Variants in RAB22A observed in about 807,000 individuals in gnomAD.
RAB22A encodes the protein RAB22A, member RAS oncogene family.
A neutral mutation model predicts 30.2 loss-of-function variants in RAB22A; 13 were observed. The observed-to-expected ratio is 0.43, with a 90% CI of 0.28 to 0.68. The LOEUF is 0.68. RAB22A is among the 30% of genes least tolerant of loss of function. RAB22A has a pLI of 0.18. For synonymous variants in RAB22A, 89 were observed against 87.2 expected (o/e 1.02, Z -0.11); for missense variants, 177 against 246.8 (o/e 0.72, Z 1.89).
At position 58,312,681 on chromosome 20, in the gene RAB22A, C is replaced by T. The variant is rs529940526; in HGVS notation, c.116+1559C>T. On this transcript the variant is annotated intron_variant, in intron 2 of 6. Transcript: ENST00000244040. ...TTTTTTTTTGTATTTTTAGTAGAGA[C>T]GGGGTTTCATGTATTAGCCAGGATG... Among the ~76,000 whole-genome samples, 4 of 151,430 alleles carry T rather than the reference C, an allele frequency of 2.6e-5. No individual in the cohort carries two copies. In the South Asian group the frequency reaches 6.3e-4, roughly 24 times the overall value.
intron 2 of RAB22A, among the ~76,000 whole-genome samples, chr20:58,316,304 C>T (rs1384562418): frequency 6.6e-6 from 1 of 152,186 alleles, no homozygotes; most frequent in Non-Finnish European, 1.5e-5. Flanking sequence ...TCCAGGGACA[C>T]TTTGCTTCGG....
At chr20:58,310,057 C>T (rs1052047073) in intron 1 of RAB22A, 45 bp downstream of exon 1, 2 of 1,256,104 alleles carry the variant, frequency 1.6e-6, no homozygotes, top group East Asian at 3.1e-5. Context: ...GGAGGCTGGG[C>T]TGGCGGGGAC....
At chr20:58,316,071 C>T (rs1986331230) in intron 2 of RAB22A, among the ~76,000 whole-genome samples, 1 of 152,172 alleles carries the variant, frequency 6.6e-6, no homozygotes, top group South Asian at 2.1e-4. Context: ...TCTCTCAGGG[C>T]CCTTTCTTTT....
chr20:58,316,583 G>A (rs567744752), intron 2 of RAB22A, among the ~76,000 whole-genome samples: 9 of 152,228 alleles, frequency 5.9e-5, no homozygotes, highest in African/African-American at 2.2e-4. Context: ...GAGCCATTGT[G>A]TAGTGAGCCT....
intron 2 of RAB22A, among the ~76,000 whole-genome samples, chr20:58,339,951 C>G (rs903782993): frequency 1.6e-4 from 24 of 152,152 alleles, no homozygotes; most frequent in African/African-American, 5.3e-4. Flanking sequence ...GGCAACCTCC[C>G]CCTCCCATGT....
intron 2 of RAB22A, among the ~76,000 whole-genome samples, chr20:58,315,052 G>A (rs557208918): frequency 6.6e-6 from 1 of 152,138 alleles, no homozygotes; most frequent in Non-Finnish European, 1.5e-5. Flanking sequence ...AGGGTGGTTG[G>A]TGAGCCAGCA....
chr20:58,351,506 A>G (rs1159985804), intron 3 of RAB22A, among the ~76,000 whole-genome samples: 1 of 151,910 alleles, frequency 6.6e-6, no homozygotes, highest in Non-Finnish European at 1.5e-5. Context: ...AGGAGCAGGA[A>G]TTTTAAAAGA....
intron 2 of RAB22A, among the ~76,000 whole-genome samples, chr20:58,339,862 G>T (rs749855110): frequency 2.0e-5 from 3 of 152,150 alleles, no homozygotes; most frequent in African/African-American, 4.8e-5. Context: ...AGACCTGACC[G>T]TAGGAAGGAA....
intron 2 of RAB22A, among the ~76,000 whole-genome samples, chr20:58,331,775 C>T (rs989661407): frequency 6.6e-6 from 1 of 152,094 alleles, no homozygotes; most frequent in Non-Finnish European, 1.5e-5. Context: ...AATGTCACAA[C>T]AGAATTTCTT....
intron 3 of RAB22A, among the ~76,000 whole-genome samples, chr20:58,349,582 C>T (rs1206456944): frequency 6.6e-6 from 1 of 152,236 alleles, no homozygotes; most frequent in Non-Finnish European, 1.5e-5. Flanking sequence ...CTCCTCATTA[C>T]AGCAGGGCTA....
At position 58,362,564 on chromosome 20, in the gene RAB22A, T is replaced by C. The variant is rs1160836465; in HGVS notation, c.*2861T>C. 1 of 152,224 alleles carries C rather than the reference T, an allele frequency of 6.6e-6. No individual in the cohort carries two copies. The highest frequency in any genetic ancestry group is 1.5e-5 in the Non-Finnish European group (1 of 68,038). The allele number at this position is 152,224 out of a possible 1,614,324, so 9.4% of individuals were successfully genotyped here. A position where few individuals can be genotyped will look rare whatever the true frequency, so the allele number is the denominator to read the frequency against. ...TTCGGAGAAATTGAAATAAGCTCTT[T>C]GCAGGCGTCCAATCCTAGAAACCAA... On this transcript the variant is annotated 3_prime_UTR_variant, in exon 7 of 7. Transcript: ENST00000244040.
intron 3 of RAB22A, among the ~76,000 whole-genome samples, chr20:58,348,233 A>G (rs1259893733): frequency 6.6e-6 from 1 of 152,166 alleles, no homozygotes; most frequent in Non-Finnish European, 1.5e-5. Flanking sequence ...TCTCAAAAAA[A>G]AAAAGCTTCC....
At chr20:58,348,702 G>C (rs1239278018) in intron 3 of RAB22A, among the ~76,000 whole-genome samples, 1 of 152,132 alleles carries the variant, frequency 6.6e-6, no homozygotes, top group Non-Finnish European at 1.5e-5. Context: ...CTATGGCAGG[G>C]ACGTCCAGTC....
In RAB22A at chr20:58,348,186, C is replaced by T. The variant is rs529138629; in HGVS notation, c.198+4387C>T. Among the ~76,000 whole-genome samples the T allele has an allele frequency of 5.9e-5, 9 of 152,190 alleles. No individual in the cohort carries two copies. In the South Asian group the frequency reaches 1.7e-3, roughly 28 times the overall value. ...AGGTTGCAGTGAGCCGAGATCGCACCACTGCACTCCAGCCTGGGCCATGGA... is the reference window on the plus strand; with the variant it reads ...AGGTTGCAGTGAGCCGAGATCGCACTACTGCACTCCAGCCTGGGCCATGGA... On this transcript the variant is annotated intron_variant, in intron 3 of 6. Transcript: ENST00000244040.
At chr20:58,316,242 G>T (rs1379866381) in intron 2 of RAB22A, among the ~76,000 whole-genome samples, 1 of 152,130 alleles carries the variant, frequency 6.6e-6, no homozygotes, top group Non-Finnish European at 1.5e-5. Flanking sequence ...GGCATGAACT[G>T]CCCAGAATTC....
At chr20:58,328,709 C>T (rs1986610042) in intron 2 of RAB22A, among the ~76,000 whole-genome samples, 1 of 152,038 alleles carries the variant, frequency 6.6e-6, no homozygotes, top group Non-Finnish European at 1.5e-5. Context: ...CTTAGGTAGT[C>T]CTTACTTTAG....
chr20:58,316,787 A>G (rs890514309), intron 2 of RAB22A, among the ~76,000 whole-genome samples: 1 of 152,126 alleles, frequency 6.6e-6, no homozygotes, highest in African/African-American at 2.4e-5. Context: ...ACTCTCTCTC[A>G]GAGGCTTGGA....
rs1428100218 is a variant in RAB22A, at chr20:58,361,517, T to C, written c.*1814T>C. On this transcript the variant is annotated 3_prime_UTR_variant, in exon 7 of 7. Transcript: ENST00000244040. ...TGCTCCATGCCCCTAGGATTTTGCT[T>C]CCTCCCCGGTGCTAAATTAGCAAGC... 1 of 152,128 alleles carries C rather than the reference T, an allele frequency of 6.6e-6. No homozygotes were observed. Among genetic ancestry groups the C allele is most frequent in the East Asian group, 1.9e-4 (1 of 5,190 alleles). 9.4% of individuals were successfully genotyped at this position (152,128 alleles called of 1,614,324 possible).
rs781521061 is a variant in RAB22A, at chr20:58,361,007, A to G, written c.*1304A>G. On this transcript the variant is annotated 3_prime_UTR_variant, in exon 7 of 7. Transcript: ENST00000244040. ...AACTGAGGAGCTTTCCTTGTTAACA[A>G]TTTAGCTTATCTTTCTGTTTCCTTT... The G allele has an allele frequency of 6.6e-6, 1 of 152,534 alleles. No individual in the cohort carries two copies. The highest frequency in any genetic ancestry group is 1.5e-5 in the Non-Finnish European group (1 of 68,032). The allele number at this position is 152,534 out of a possible 1,614,324, so 9.4% of individuals were successfully genotyped here. A position where few individuals can be genotyped will look rare whatever the true frequency, so the allele number is the denominator to read the frequency against.
Sources: allele counts gnomAD v4.1 joint callset (sites outside exome capture counted in the v4.1 genomes callset), GRCh38; gene constraint gnomAD v4.1.1; transcripts MANE v1.5; gene names NCBI Gene and HGNC (gene_info 2026-07-23, HGNC 2026-07-21).